Variants in PCDHGB6 observed in about 807,000 individuals in gnomAD.
The protein encoded by PCDHGB6 is protocadherin gamma subfamily B, 6, also known as protocadherin gamma-B6.
A neutral mutation model predicts 59.1 loss-of-function variants in PCDHGB6; 51 were observed. The ratio of observed to expected loss-of-function variants is 0.86; its 90% CI spans 0.69 to 1.09. PCDHGB6 has a LOEUF of 1.09. PCDHGB6 is among the 50% of genes least tolerant of loss of function. The pLI, the probability that PCDHGB6 is intolerant of heterozygous loss-of-function variation, is 0.00. For synonymous variants in PCDHGB6, 466 were observed against 495.1 expected, an observed-to-expected ratio of 0.94 and a Z score of 0.78; for missense variants, 1,148 against 1,205.1, an observed-to-expected ratio of 0.95 and a Z score of 0.70.
intron 1 of PCDHGB6, chr5:141,413,345 G>A (rs2095628318): frequency 8.7e-6 from 14 of 1,613,996 alleles, no homozygotes; most frequent in Non-Finnish European, 1.0e-5. Flanking sequence ...AAGGACTTGG[G>A]TCTGGCGCCC....
Position 141,455,633 on chromosome 5 carries a change from G to A in PCDHGB6, c.2419-39174G>A, listed in dbSNP as rs1049071525. On this transcript the variant is annotated intron_variant, in intron 1 of 3. Coordinates refer to ENST00000520790, the MANE Select transcript of PCDHGB6 (RefSeq NM_018926.3). ...ATGTTCTAAACACGTGGAGATATGT[G>A]GGGGGCAGCCATGTGGCCAGGAACT... Among the ~76,000 whole-genome samples, 19 of 152,198 alleles carry A rather than the reference G, an allele frequency of 1.2e-4. No homozygotes were observed. In the East Asian group the frequency reaches 3.1e-3, roughly 25 times the overall value.
chr5:141,424,232 C>A (rs182055138), intron 1 of PCDHGB6: 1 of 158,642 alleles, frequency 6.3e-6, no homozygotes, highest in East Asian at 1.9e-4. Context: ...TATTTTGATT[C>A]TTGGTGGCTG....
intron 1 of PCDHGB6, chr5:141,414,689 T>G (rs1256681548): frequency 1.2e-6 from 2 of 1,614,070 alleles, no homozygotes; most frequent in Non-Finnish European, 8.5e-7. Context: ...GGGGTACCTC[T>G]GTCCTCATAC....
chr5:141,491,243 ATGAGGACCC>A lies in PCDHGB6; in HGVS notation c.2419-3557_2419-3549del. 1 of 1,614,200 alleles carries A rather than the reference ATGAGGACCC, an allele frequency of 6.2e-7. No individual in the cohort carries two copies. Among genetic ancestry groups the A allele is most frequent in the African/African-American group, 1.3e-5 (1 of 75,056 alleles). ...GCCACAGTGCTGCTGGTTCTGGAGG[ATGAGGACCC>A]TGAGGAAATGCCCAAATCCAGTGAC... On this transcript the variant is annotated intron_variant, in intron 1 of 3. Coordinates refer to ENST00000520790, the MANE Select transcript of PCDHGB6 (RefSeq NM_018926.3). This position sits in a 1 kb window ranked among gnomAD's most constrained non-coding sequence, Gnocchi z 6.9.
chr5:141,446,920 C>T (rs2098520337), intron 1 of PCDHGB6, among the ~76,000 whole-genome samples: 1 of 152,108 alleles, frequency 6.6e-6, no homozygotes, highest in African/African-American at 2.4e-5. Flanking sequence ...TATTTATCTT[C>T]CTGATCTCTT....
At chr5:141,488,389 A>G (rs1322717951) in intron 1 of PCDHGB6, among the ~76,000 whole-genome samples, 1 of 152,224 alleles carries the variant, frequency 6.6e-6, no homozygotes, top group East Asian at 1.9e-4. Context: ...GAATTTGGTG[A>G]AACCATGAAA....
chr5:141,496,215 T>C (rs2099767024), intron 2 of PCDHGB6, among the ~76,000 whole-genome samples: 3 of 152,114 alleles, frequency 2.0e-5, no homozygotes, highest in Non-Finnish European at 4.4e-5. Context: ...TATGAATTCC[T>C]GCTGAGACAG....
chr5:141,421,069 A>T, intron 1 of PCDHGB6: 1 of 598,532 alleles, frequency 1.7e-6, no homozygotes, highest in Non-Finnish European at 2.8e-6. Context: ...AAGCGGAATG[A>T]GATGGATACT....
chr5:141,415,107 A>C (rs372656276), intron 1 of PCDHGB6: 12 of 1,613,634 alleles, frequency 7.4e-6, no homozygotes, highest in East Asian at 2.2e-5. Context: ...CGCTCAAGCA[A>C]AGCCTCGTAG....
chr5:141,494,778 C>CA, intron 1 of PCDHGB6, 29 bp from the exon 2 acceptor site: 1 of 1,614,086 alleles, frequency 6.2e-7, no homozygotes, highest in Non-Finnish European at 8.5e-7. Context: ...CACGGGTACT[C>CA]AGCCCCTTTC....
At chr5:141,505,993 T>TGCGA (rs2099849805) in intron 3 of PCDHGB6, among the ~76,000 whole-genome samples, 1 of 152,188 alleles carries the variant, frequency 6.6e-6, no homozygotes, top group African/African-American at 2.4e-5. Context: ...CTCCTCTTTA[T>TGCGA]GCGAGGCTCC....
rs151105903 is a variant in PCDHGB6 at position 141,419,964 on chromosome 5, T to C, written c.2418+9344T>C. ...GTGGCCTTGGCCTTGATTTCTGTGC[T>C]CTTTCTCCTCGCGGTGATTCTAGCT... On this transcript the variant is annotated intron_variant, in intron 1 of 3. Transcript: ENST00000520790. 3.7e-6 allele frequency: 6 copies of C among 1,614,082 alleles called. No individual in the cohort carries two copies. Among genetic ancestry groups the C allele is most frequent in the Non-Finnish European group, 4.2e-6 (5 of 1,179,900 alleles).
intron 1 of PCDHGB6, chr5:141,421,800 G>A: frequency 6.2e-7 from 1 of 1,613,846 alleles, no homozygotes; most frequent in Non-Finnish European, 8.5e-7. Context: ...ATGGGGCCAA[G>A]AATCCAGAGC....
Position 141,418,145 on chromosome 5 carries a change from T to C in PCDHGB6, c.2418+7525T>C, listed in dbSNP as rs1329322927. On this transcript the variant is annotated intron_variant, in intron 1 of 3. Coordinates refer to ENST00000520790, the MANE Select transcript of PCDHGB6 (RefSeq NM_018926.3). ...GGACCGAATAGACCGTGAGCAAATATGCAAAGAGAGAAGAAGATGTGAGTT... is the reference window on the plus strand; with the variant it reads ...GGACCGAATAGACCGTGAGCAAATACGCAAAGAGAGAAGAAGATGTGAGTT... The C allele has an allele frequency of 5.6e-6, 9 of 1,613,934 alleles. No homozygotes were observed. In the African/African-American group the frequency reaches 8.0e-5, roughly 14 times the overall value.
intron 1 of PCDHGB6, among the ~76,000 whole-genome samples, chr5:141,443,654 G>A (rs2098397947): frequency 6.6e-6 from 1 of 152,150 alleles, no homozygotes; most frequent in Non-Finnish European, 1.5e-5. Context: ...TGTTAGCATA[G>A]CATTTTACTG....
Position 141,447,603 on chromosome 5 carries a change from T to G in PCDHGB6, c.2418+36983T>G, listed in dbSNP as rs146950525. On this transcript the variant is annotated intron_variant, in intron 1 of 3. Transcript: ENST00000520790. ...ATACCTTAAACATCCTATAGAGTCC[T>G]TAGCATTTTAAAGTTGAAACCAACA... Among the ~76,000 whole-genome samples, 378 of 152,270 alleles carry G rather than the reference T, an allele frequency of 2.5e-3. 1 individual carries two copies. Among genetic ancestry groups the G allele is most frequent in the Non-Finnish European group, 4.5e-3 (309 of 68,030 alleles).
At chr5:141,438,834 T>A (rs915381229) in intron 1 of PCDHGB6, among the ~76,000 whole-genome samples, 5 of 150,606 alleles carry the variant, frequency 3.3e-5, no homozygotes, top group South Asian at 2.1e-4. Context: ...GCTAATTTTT[T>A]AAAATATTTT....
chr5:141,414,443 A>G (rs1413718059), intron 1 of PCDHGB6: 1 of 1,613,892 alleles, frequency 6.2e-7, no homozygotes, highest in Non-Finnish European at 8.5e-7. Flanking sequence ...TCCTCTTACA[A>G]TATCACAGTG....
chr5:141,453,560 G>A (rs1230229107), intron 1 of PCDHGB6, among the ~76,000 whole-genome samples: 3 of 151,968 alleles, frequency 2.0e-5, no homozygotes, highest in Admixed American at 6.6e-5. Flanking sequence ...GTAGATAATC[G>A]ATTTCATTAG....
Sources: gnomAD v4.1 joint callset for allele counts (sites outside exome capture counted in the v4.1 genomes callset) on GRCh38, gnomAD v4.1.1 for gene constraint, Gnocchi (gnomAD v3.1) non-coding constraint, MANE v1.5 for transcripts, NCBI Gene and HGNC (gene_info 2026-07-23, HGNC 2026-07-21) for gene names.